The following ERBB4 variants were observed in gnomAD, a reference collection of about 807,000 sequenced individuals.
ERBB4 encodes the protein erb-b2 receptor tyrosine kinase 4.
ERBB4 carries 42 observed loss-of-function variants against 158.0 expected under a neutral mutation model. The observed-to-expected ratio is 0.27, with a 90% CI of 0.21 to 0.34. The LOEUF (loss-of-function observed/expected upper bound fraction) is 0.34. Among genes scored for constraint, ERBB4 ranks in the 10% least tolerant of loss-of-function variants. The pLI, the probability that ERBB4 is intolerant of heterozygous loss-of-function variation, is 1.00. For synonymous variants in ERBB4, 583 were observed against 558.7 expected (o/e 1.04, Z -0.61); for missense variants, 1,333 against 1,624.1 (o/e 0.82, Z 3.08).
intron 20 of ERBB4, among the ~76,000 whole-genome samples, chr2:211,523,051 C>T (rs1032993426): frequency 6.7e-6 from 1 of 149,920 alleles, no homozygotes; most frequent in African/African-American, 2.5e-5. Context: ...TTTAGAAAGG[C>T]AAGAGGATAG....
At chr2:211,389,250 T>C (rs767819574) in intron 25 of ERBB4, among the ~76,000 whole-genome samples, 3 of 152,192 alleles carry the variant, frequency 2.0e-5, no homozygotes, top group South Asian at 2.1e-4. Flanking sequence ...TTAGCCAGGA[T>C]AGTCTCAATC....
chr2:212,400,677 T>C (rs1454096623), intron 1 of ERBB4, among the ~76,000 whole-genome samples: 2 of 152,140 alleles, frequency 1.3e-5, no homozygotes, highest in African/African-American at 4.8e-5. Context: ...ACTGAAGCTA[T>C]TGAGGAGAGC....
chr2:212,493,896 TA>T (rs944683594), intron 1 of ERBB4, among the ~76,000 whole-genome samples: 1 of 151,744 alleles, frequency 6.6e-6, no homozygotes, highest in African/African-American at 2.4e-5. Context: ...AGCACATTAA[TA>T]AAAACAAAGA....
intron 1 of ERBB4, among the ~76,000 whole-genome samples, chr2:212,139,545 T>A (rs1038624894): frequency 2.0e-5 from 3 of 151,958 alleles, no homozygotes; most frequent in Non-Finnish European, 4.4e-5. Context: ...TAGAGAATAA[T>A]TGATGATTTT....
chr2:212,400,218 T>G (rs183882469), intron 1 of ERBB4, among the ~76,000 whole-genome samples: 4 of 152,150 alleles, frequency 2.6e-5, no homozygotes, highest in Non-Finnish European at 4.4e-5. Flanking sequence ...ACATGATTAC[T>G]TTTGCATTTC....
chr2:212,077,656 C>A (rs961004346), intron 2 of ERBB4, among the ~76,000 whole-genome samples: 3 of 151,860 alleles, frequency 2.0e-5, no homozygotes, highest in Non-Finnish European at 2.9e-5. Context: ...CAGGGATGGG[C>A]AAAGGCAAGC....
chr2:211,707,157 T>C (rs2073478330), intron 9 of ERBB4, among the ~76,000 whole-genome samples: 2 of 152,188 alleles, frequency 1.3e-5, no homozygotes. Context: ...GGACCTTTAC[T>C]GAGAACACTT....
At chr2:212,371,607 A>G (rs1474805178) in intron 1 of ERBB4, among the ~76,000 whole-genome samples, 3 of 152,196 alleles carry the variant, frequency 2.0e-5, no homozygotes, top group Non-Finnish European at 4.4e-5. Flanking sequence ...ACTACTGATA[A>G]TTTCAATAAC....
chr2:211,585,814 T>C (rs2125781594), intron 19 of ERBB4, among the ~76,000 whole-genome samples: 1 of 152,236 alleles, frequency 6.6e-6, no homozygotes, highest in Non-Finnish European at 1.5e-5. Context: ...ATGTTATCAA[T>C]ATTATTATGG....
chr2:211,725,054 A>G (rs373267964), intron 6 of ERBB4, 22 bp downstream of exon 6: 17 of 1,474,936 alleles, frequency 1.2e-5, no homozygotes, highest in Middle Eastern at 1.7e-4. Flanking sequence ...AGGATAATAA[A>G]AGAGAGAAAT....
At chr2:211,684,996 A>G (rs539897687) in intron 12 of ERBB4, among the ~76,000 whole-genome samples, 4 of 152,346 alleles carry the variant, frequency 2.6e-5, no homozygotes, top group Admixed American at 2.6e-4. Flanking sequence ...GAATATTTGT[A>G]TATTACTGTA....
intron 1 of ERBB4, among the ~76,000 whole-genome samples, chr2:212,516,253 T>C (rs1691835977): frequency 6.6e-6 from 1 of 151,622 alleles, no homozygotes; most frequent in South Asian, 2.1e-4. Flanking sequence ...ACAAATAATA[T>C]TTTCTTCATT....
chr2:212,171,376 C>G (rs1231581587), intron 1 of ERBB4, among the ~76,000 whole-genome samples: 1 of 151,692 alleles, frequency 6.6e-6, no homozygotes, highest in Non-Finnish European at 1.5e-5. Context: ...TGCCTTGTCT[C>G]AGATGAAACT....
intron 1 of ERBB4, among the ~76,000 whole-genome samples, chr2:212,249,308 T>C (rs981746131): frequency 1.3e-5 from 2 of 151,904 alleles, no homozygotes; most frequent in Non-Finnish European, 2.9e-5. Context: ...TATGTATGTA[T>C]ATGTGTGTAT....
chr2:212,183,836 G>A (rs2081942196), intron 1 of ERBB4, among the ~76,000 whole-genome samples: 1 of 152,060 alleles, frequency 6.6e-6, no homozygotes, highest in African/African-American at 2.4e-5. Context: ...AGAACAATCA[G>A]AAAATAAGCT....
At chr2:211,705,620 A>T (rs1242074494) in intron 9 of ERBB4, among the ~76,000 whole-genome samples, 1 of 152,208 alleles carries the variant, frequency 6.6e-6, no homozygotes, top group Non-Finnish European at 1.5e-5. Flanking sequence ...TTCCAGATCT[A>T]TAAGATTATT....
At chr2:212,096,564 T>G (rs1297348972) in intron 2 of ERBB4, among the ~76,000 whole-genome samples, 1 of 152,202 alleles carries the variant, frequency 6.6e-6, no homozygotes, top group African/African-American at 2.4e-5. Context: ...TTCCTCAAGT[T>G]TATTTAGATG....
chr2:211,859,075 C>A (rs1172482888), intron 3 of ERBB4, among the ~76,000 whole-genome samples: 1 of 152,214 alleles, frequency 6.6e-6, no homozygotes, highest in Non-Finnish European at 1.5e-5. Context: ...AGCCACTGTG[C>A]TTGGCCGGCA....
At chr2:212,082,267 T>C (rs2078468377) in intron 2 of ERBB4, among the ~76,000 whole-genome samples, 1 of 152,090 alleles carries the variant, frequency 6.6e-6, no homozygotes, top group Non-Finnish European at 1.5e-5. Context: ...TAAATATTTA[T>C]ATGGTCACAT....
Sources: allele counts gnomAD v4.1 joint callset (sites outside exome capture counted in the v4.1 genomes callset), GRCh38; gene constraint gnomAD v4.1.1; transcripts MANE v1.5; gene names NCBI Gene and HGNC (gene_info 2026-07-23, HGNC 2026-07-21).